The following COG2 variants were observed in gnomAD, a reference collection of about 807,000 sequenced individuals.
COG2 encodes component of oligomeric golgi complex 2.
Under a neutral mutation model 90.6 loss-of-function variants are expected in COG2, and 52 were observed. That is an observed-to-expected ratio of 0.57 (90% CI 0.46 to 0.72). The LOEUF is 0.72. Ranked by LOEUF, COG2 falls within the 30% of genes least tolerant of loss-of-function variation. COG2 has a pLI of 0.00. For synonymous variants in COG2, 337 were observed against 320.4 expected (o/e 1.05, Z -0.55); for missense variants, 829 against 891.2 (o/e 0.93, Z 0.89).
In COG2 at chr1:230,642,684, C is replaced by T. The variant is rs773711808; in HGVS notation, c.72+6C>T. ...ACAAGGACGAGTTCATGAAGGTGCGCGCGGCGTCCGCTCCCCGGAGCCGGG... is the reference window on the plus strand; with the variant it reads ...ACAAGGACGAGTTCATGAAGGTGCGTGCGGCGTCCGCTCCCCGGAGCCGGG... On this transcript the variant is annotated splice_donor_region_variant and intron_variant, in intron 1 of 17. Coordinates refer to ENST00000366669, the MANE Select transcript of COG2 (RefSeq NM_007357.3). The T allele has an allele frequency of 1.9e-6, 3 of 1,611,156 alleles. No individual in the cohort carries two copies. The highest frequency in any genetic ancestry group is 3.3e-5 in the Admixed American group (2 of 59,742).
intron 9 of COG2, among the ~76,000 whole-genome samples, chr1:230,676,303 C>G (rs1331798701): frequency 6.6e-6 from 1 of 151,930 alleles, no homozygotes; most frequent in Non-Finnish European, 1.5e-5. Context: ...GTATTTTAGA[C>G]TTCTGGGGAT....
chr1:230,685,727 C>G (rs1188431714), intron 12 of COG2, among the ~76,000 whole-genome samples: 1 of 152,160 alleles, frequency 6.6e-6, no homozygotes, highest in Non-Finnish European at 1.5e-5. Flanking sequence ...TCCACATGCT[C>G]TGATGACTTA....
At chr1:230,643,538 A>G (rs1661680681) in intron 1 of COG2, among the ~76,000 whole-genome samples, 3 of 152,172 alleles carry the variant, frequency 2.0e-5, no homozygotes, top group Admixed American at 6.5e-5. Flanking sequence ...GACATCTACA[A>G]TTTTGAGCAA....
At chr1:230,651,379 C>A (rs1661910496) in intron 1 of COG2, among the ~76,000 whole-genome samples, 4 of 152,174 alleles carry the variant, frequency 2.6e-5, no homozygotes, top group African/African-American at 9.7e-5. Flanking sequence ...CTCAGGCGAG[C>A]TTTAAATGAT....
At position 230,675,038 on chromosome 1, in the gene COG2, A is replaced by C. The variant is rs1296953511; in HGVS notation, c.940A>C (p.Asn314His). The change falls in exon 9 of 18, where the codon AAT becomes CAT. Residue 314 changes from asparagine (N) to histidine (H), a missense_variant. By Grantham distance (68) the Asn-to-His change is moderately conservative. Transcript: ENST00000366669. ...TGTTCCTGGATATGACTTTTTGGTG[A>C]ATTCTGTTTGGCCACAAATAGTACA... is the stretch of plus-strand genomic sequence containing the variant. Reference protein sequence around the residue: ...NTVPGYDFLVNSVWPQIVQGL... With the variant: ...NTVPGYDFLVHSVWPQIVQGL... 6.2e-7 allele frequency: 1 copy of C among 1,612,224 alleles called. No individual in the cohort carries two copies. Among genetic ancestry groups the C allele is most frequent in the Non-Finnish European group, 8.5e-7 (1 of 1,179,188 alleles).
rs191475150 is a variant in COG2, at chr1:230,646,318, G to T, written c.72+3640G>T. On this transcript the variant is annotated intron_variant, in intron 1 of 17. Coordinates refer to ENST00000366669, the MANE Select transcript of COG2 (RefSeq NM_007357.3). The stretch of plus-strand genomic sequence containing the variant: ...TAACTAGATGGAAGTCGATCCACCA[G>T]ACCTTCTCTGCTTCCTTCCCTGACC... 2.6e-5 allele frequency among the ~76,000 whole-genome samples: 4 copies of T among 152,238 alleles called. No individual in the cohort carries two copies. In the South Asian group the frequency reaches 8.3e-4, roughly 32 times the overall value.
chr1:230,678,097 G>A, intron 9 of COG2: 1 of 985,384 alleles, frequency 1.0e-6, no homozygotes, highest in Middle Eastern at 5.2e-4. Flanking sequence ...CCTGGATTGA[G>A]CCCCTTTTAA....
At chr1:230,654,218 G>T (rs961299076) in intron 1 of COG2, among the ~76,000 whole-genome samples, 8 of 152,134 alleles carry the variant, frequency 5.3e-5, no homozygotes, top group Admixed American at 1.3e-4. Flanking sequence ...GTATTGTCTA[G>T]GTTTTCTTAT....
Position 230,668,736 on chromosome 1 carries a change from T to C in COG2, c.546T>C (p.Phe182=), listed in dbSNP as rs1435027776. The part of the protein sequence containing the change: ...RIATEFNQLQ[F]HAVQSKGMPL... ...CCACAGAATTTAATCAGTTACAGTT[T>C]CATGCTGTTCAAAGCAAAGGCATGC... Residue 182 remains phenylalanine (F), a synonymous_variant, in exon 6 of 18, where the codon TTT becomes TTC. Transcript: ENST00000366669. 6.2e-7 allele frequency: 1 copy of C among 1,613,090 alleles called. No homozygotes were observed. The highest frequency in any genetic ancestry group is 1.3e-5 in the African/African-American group (1 of 74,912).
chr1:230,662,100 T>C (rs1411486685), intron 3 of COG2, among the ~76,000 whole-genome samples: 1 of 152,136 alleles, frequency 6.6e-6, no homozygotes, highest in Admixed American at 6.5e-5. Flanking sequence ...TCTCCCGAAT[T>C]CTGCTCTGTC....
At chr1:230,676,685 TAGA>T (rs941761027) in intron 9 of COG2, among the ~76,000 whole-genome samples, 8 of 152,318 alleles carry the variant, frequency 5.3e-5, no homozygotes, top group African/African-American at 1.9e-4. Flanking sequence ...AAATTCATGT[TAGA>T]AGACTTTTTA....
intron 5 of COG2, among the ~76,000 whole-genome samples, chr1:230,668,284 G>A (rs549167058): frequency 6.6e-6 from 1 of 152,080 alleles, no homozygotes; most frequent in South Asian, 2.1e-4. Context: ...GGGGAAGAGG[G>A]AAATAGAAGG....
intron 5 of COG2, among the ~76,000 whole-genome samples, chr1:230,665,328 G>A (rs983541738): frequency 3.3e-5 from 5 of 152,176 alleles, no homozygotes; most frequent in Admixed American, 6.5e-5. Flanking sequence ...GGTAGCCATA[G>A]ACTAGACCCT....
chr1:230,664,824 C>T (rs1178216315), intron 5 of COG2, among the ~76,000 whole-genome samples: 2 of 152,110 alleles, frequency 1.3e-5, no homozygotes, highest in South Asian at 2.1e-4. Context: ...AGTCAGAGAA[C>T]GTGTACTTTC....
intron 5 of COG2, among the ~76,000 whole-genome samples, chr1:230,668,248 A>G (rs1279107811): frequency 6.6e-6 from 1 of 151,944 alleles, no homozygotes; most frequent in African/African-American, 2.4e-5. Flanking sequence ...AGAAAAGATA[A>G]GGAGGGAGAA....
rs551617052 is a variant in COG2 at position 230,676,053 on chromosome 1, A to G, written c.1026+929A>G. Among the ~76,000 whole-genome samples the G allele has an allele frequency of 5.3e-5, 8 of 152,260 alleles. No individual in the cohort carries two copies. The South Asian group carries it at 1.2e-3, about 24-fold the overall frequency. ...AATGTGTAAGTTTGCTTTCCATTCT[A>G]TCATTTTAAAGGCTCAGCCTCTTGG... On this transcript the variant is annotated intron_variant, in intron 9 of 17. Transcript: ENST00000366669.
At position 230,689,912 on chromosome 1, in the gene COG2, A is replaced by G. The variant is rs376083349; in HGVS notation, c.1795-102A>G. The G allele has an allele frequency of 1.5e-4, 181 of 1,193,800 alleles. 1 individual carries two copies. The African/African-American group carries it at 2.6e-3, about 17-fold the overall frequency. 74.0% of individuals were successfully genotyped at this position (1,193,800 alleles called of 1,614,324 possible). On this transcript the variant is annotated intron_variant, in intron 15 of 17. Transcript: ENST00000366669. ...TGGAAGTTGTCCGTGTCTCAAAACTAGAACGTTAATAGTATCCTTTTGGAC... is the reference window on the plus strand; with the variant it reads ...TGGAAGTTGTCCGTGTCTCAAAACTGGAACGTTAATAGTATCCTTTTGGAC...
chr1:230,669,447 A>G lies in COG2; in HGVS notation c.686A>G (p.His229Arg), dbSNP rs1662395655. Residue 229 changes from histidine (H) to arginine (R), a missense_variant, in exon 7 of 18, where the codon CAC becomes CGC. Coordinates refer to ENST00000366669, the MANE Select transcript of COG2 (RefSeq NM_007357.3). ...LQTSDVDIIRHCLRTYATIDK... is the reference protein window; with the variant it reads ...LQTSDVDIIRRCLRTYATIDK... ...ACGTCTGACGTCGATATAATACGGCACTGCTTGCGGACTTACGCCACGATT... is the reference window on the plus strand; with the variant it reads ...ACGTCTGACGTCGATATAATACGGCGCTGCTTGCGGACTTACGCCACGATT... 6.2e-7 allele frequency: 1 copy of G among 1,614,128 alleles called. No individual in the cohort carries two copies. The highest frequency in any genetic ancestry group is 1.3e-5 in the African/African-American group (1 of 75,042).
At chr1:230,688,265 A>G (rs2102774100) in intron 14 of COG2, 122 bp downstream of exon 14, 3 of 1,213,058 alleles carry the variant, frequency 2.5e-6, no homozygotes, top group East Asian at 2.4e-5. Context: ...TTGTTTCTCT[A>G]TTCTGTATTA....
Sources: allele counts gnomAD v4.1 joint callset (sites outside exome capture counted in the v4.1 genomes callset), GRCh38; gene constraint gnomAD v4.1.1; transcripts MANE v1.5; gene names NCBI Gene and HGNC (gene_info 2026-07-23, HGNC 2026-07-21).